Variants in ACSM2B observed in about 807,000 individuals in gnomAD.
ACSM2B encodes the protein acyl-CoA synthetase medium chain family member 2B, also known as acyl-coenzyme A synthetase ACSM2B, mitochondrial.
Under a neutral mutation model 78.6 loss-of-function variants are expected in ACSM2B, and 58 were observed. The ratio of observed to expected loss-of-function variants is 0.74; its 90% CI spans 0.60 to 0.92. The LOEUF (loss-of-function observed/expected upper bound fraction) is 0.92, where lower values mean the gene tolerates loss of function less well. Ranked by LOEUF, ACSM2B falls within the 40% of genes least tolerant of loss-of-function variation. The pLI is 0.00. For missense variants in ACSM2B, 688 were observed against 711.2 expected, an observed-to-expected ratio of 0.97 and a Z score of 0.37; for synonymous variants, 257 against 256.8, an observed-to-expected ratio of 1.00 and a Z score of -0.01.
chr16:20,561,968 G>GA (rs2015670785), intron 2 of ACSM2B, among the ~76,000 whole-genome samples: 2 of 148,976 alleles, frequency 1.3e-5, no homozygotes, highest in Non-Finnish European at 3.0e-5. Flanking sequence ...GCAGTGTTTG[G>GA]TTTTTTTGTC....
intron 2 of ACSM2B, among the ~76,000 whole-genome samples, chr16:20,561,519 G>A (rs2152142786): frequency 6.6e-6 from 1 of 151,770 alleles, no homozygotes; most frequent in Middle Eastern, 3.4e-3. Context: ...TCATTCGTGT[G>A]GGACCTGCCC....
At chr16:20,552,807 C>G (rs1245068130) in intron 5 of ACSM2B, among the ~76,000 whole-genome samples, 3 of 152,150 alleles carry the variant, frequency 2.0e-5, no homozygotes, top group Admixed American at 6.5e-5. Context: ...AGGTTTAGGA[C>G]TTTCTTAAAG....
At position 20,552,194 on chromosome 16, in the gene ACSM2B, A is replaced by G; in HGVS notation, c.844T>C (p.Cys282Arg). 6.2e-7 allele frequency: 1 copy of G among 1,613,852 alleles called. No homozygotes were observed. ...SLLESWTLGACTFVHLLPKFD... is the reference protein window; with the variant it reads ...SLLESWTLGARTFVHLLPKFD... ...TTTGGCAAGAGATGAACAAATGTGC[A>G]TGCTCCTAATGTCCAAGATTCCAAA... Residue 282 changes from cysteine (C) to arginine (R), a missense_variant, in exon 6 of 14, where the codon TGC becomes CGC. Coordinates refer to ENST00000329697, the MANE Select transcript of ACSM2B (RefSeq NM_001105069.2).
At chr16:20,552,093 C>T in intron 6 of ACSM2B, 51 bp downstream of exon 6, 2 of 1,543,098 alleles carry the variant, frequency 1.3e-6, no homozygotes, top group Non-Finnish European at 1.7e-6. Flanking sequence ...TTGAAGTGTG[C>T]AAACCTCGGG....
Position 20,559,300 on chromosome 16 carries a change from C to T in ACSM2B, c.325G>A (p.Val109Met). 2.5e-6 allele frequency: 4 copies of T among 1,613,652 alleles called. No homozygotes were observed. The South Asian group carries it at 4.4e-5, about 18-fold the overall frequency. ...GGCACTCGGGGCAGCATCACTGCCA[C>T]ACGATCCCCACGCTGCAGGCCACAG... is the stretch of plus-strand genomic sequence containing the variant. The part of the protein sequence containing the change: ...GACGLQRGDR[V>M]AVMLPRVPEW... Residue 109 changes from valine (V) to methionine (M), a missense_variant, in exon 3 of 14, where the codon GTG (valine) becomes ATG (methionine). By Grantham distance (21) the Val-to-Met change is conservative (BLOSUM62 1). Coordinates refer to ENST00000329697, the MANE Select transcript of ACSM2B (RefSeq NM_001105069.2).
chr16:20,547,872 G>T, intron 8 of ACSM2B, 190 bp downstream of exon 8: 1 of 1,360,004 alleles, frequency 7.4e-7, no homozygotes, highest in Non-Finnish European at 9.8e-7. Flanking sequence ...TAATCTCCCA[G>T]AAAACAGGAA....
chr16:20,546,564 A>G (rs576245961), intron 8 of ACSM2B, 90 bp from the exon 9 acceptor site: 6 of 1,487,698 alleles, frequency 4.0e-6, no homozygotes, highest in African/African-American at 2.8e-5. Flanking sequence ...GGGTCCTGAC[A>G]CTGTCCTGAA....
intron 10 of ACSM2B, chr16:20,544,537 T>G (rs951378573): frequency 4.2e-6 from 4 of 959,564 alleles, no homozygotes; most frequent in Admixed American, 6.2e-5. Flanking sequence ...TATTATTTGA[T>G]TTATTATTTA....
At chr16:20,549,519 C>T (rs560972408) in intron 6 of ACSM2B, 2 of 202,624 alleles carry the variant, frequency 9.9e-6, no homozygotes, top group East Asian at 1.7e-4. Context: ...CCATTAATCC[C>T]TCATGAGGCC....
At chr16:20,554,150 T>C (rs1476744322) in intron 4 of ACSM2B, 1 of 699,156 alleles carries the variant, frequency 1.4e-6, no homozygotes. Context: ...AAACTACTTA[T>C]TTAACTTCTC....
intron 6 of ACSM2B, among the ~76,000 whole-genome samples, chr16:20,549,431 T>G (rs140175723): frequency 5.3e-5 from 8 of 151,936 alleles, no homozygotes; most frequent in Admixed American, 4.6e-4. Context: ...AAGGGGCTCA[T>G]GAGGTAGAGC....
chr16:20,548,537 C>T (rs2015212945), intron 6 of ACSM2B, 64 bp from the exon 7 acceptor site: 2 of 1,611,238 alleles, frequency 1.2e-6, no homozygotes, highest in Admixed American at 1.7e-5. Context: ...TGGCTATGCA[C>T]AGTGGTTACA....
At chr16:20,566,711 A>C (rs1596735362) in intron 1 of ACSM2B, among the ~76,000 whole-genome samples, 3 of 45,296 alleles carry the variant, frequency 6.6e-5, no homozygotes, top group East Asian at 2.3e-3. Context: ...TATATATAGT[A>C]TATATAGTAT....
At chr16:20,540,233 T>G (rs143629950) in intron 13 of ACSM2B, among the ~76,000 whole-genome samples, 2,556 of 147,652 alleles carry the variant, frequency 0.017, 74 homozygotes, top group African/African-American at 0.058. Flanking sequence ...TGTTTTTTTT[T>G]TTTGTTTGTT....
intron 3 of ACSM2B, 91 bp downstream of exon 3, chr16:20,559,146 A>T: frequency 6.7e-7 from 1 of 1,489,510 alleles, no homozygotes; most frequent in Non-Finnish European, 9.0e-7. Flanking sequence ...TCCAAGGCAG[A>T]GACTTCTTTT....
rs200573879 is a variant in ACSM2B, at chr16:20,553,958, C to A, written c.597-38G>T. 886 of 1,610,872 alleles carry A rather than the reference C, an allele frequency of 5.5e-4. 2 individuals are homozygous for A. Among genetic ancestry groups the A allele is most frequent in the Non-Finnish European group, 5.8e-4 (686 of 1,178,756 alleles). On this transcript the variant is annotated intron_variant, in intron 4 of 13. Coordinates refer to ENST00000329697, the MANE Select transcript of ACSM2B (RefSeq NM_001105069.2). ...CAGATTGTCATTTTCTCAGATCTAG[C>A]CTGGACACCAGATATCAAAGTGACC...
intron 5 of ACSM2B, 101 bp from the exon 6 acceptor site, chr16:20,552,398 G>A: frequency 2.0e-6 from 3 of 1,477,786 alleles, no homozygotes; most frequent in South Asian, 1.4e-5. Context: ...TGTGTGCAGA[G>A]GTGTGCGTGT....
chr16:20,566,698 GTAT>G (rs2015876032), intron 1 of ACSM2B, among the ~76,000 whole-genome samples: 1 of 5,436 alleles, frequency 1.8e-4, no homozygotes, highest in Non-Finnish European at 3.5e-4. Flanking sequence ...ACTATATATA[GTAT>G]ATATATAGTA....
chr16:20,548,221 C>T (rs764594793), intron 7 of ACSM2B, 36 bp from the exon 8 acceptor site: 3 of 1,613,588 alleles, frequency 1.9e-6, no homozygotes, highest in Non-Finnish European at 2.5e-6. Flanking sequence ...CCTCAGCCTC[C>T]CTGGAACCAA....
Sources: allele counts gnomAD v4.1 joint callset (sites outside exome capture counted in the v4.1 genomes callset), GRCh38; gene constraint gnomAD v4.1.1; transcripts MANE v1.5; gene names NCBI Gene and HGNC (gene_info 2026-07-23, HGNC 2026-07-21).